Variants in RNF180 observed in about 807,000 individuals in gnomAD.
The protein encoded by RNF180 is E3 ubiquitin-protein ligase RNF180.
Under a neutral mutation model 59.2 loss-of-function variants are expected in RNF180, and 38 were observed. The ratio of observed to expected loss-of-function variants is 0.64; its 90% CI spans 0.50 to 0.84. The LOEUF (loss-of-function observed/expected upper bound fraction) is 0.84. Ranked by LOEUF, RNF180 falls within the 40% of genes least tolerant of loss-of-function variation. The pLI is 0.00. For synonymous variants in RNF180, 262 were observed against 240.3 expected, an observed-to-expected ratio of 1.09 and a Z score of -0.84; for missense variants, 705 against 700.9, an observed-to-expected ratio of 1.01 and a Z score of -0.07.
intron 5 of RNF180, among the ~76,000 whole-genome samples, chr5:64,223,752 C>G (rs953406827): frequency 2.6e-5 from 4 of 152,024 alleles, no homozygotes; most frequent in African/African-American, 9.7e-5. Context: ...TCCTTTCCTT[C>G]ATGTAACTAA....
At chr5:64,208,110 TTC>T (rs1282726082) in intron 2 of RNF180, among the ~76,000 whole-genome samples, 2 of 152,106 alleles carry the variant, frequency 1.3e-5, no homozygotes, top group African/African-American at 4.8e-5. Flanking sequence ...AGTGATATTT[TTC>T]TGTTATAGAA....
intron 5 of RNF180, among the ~76,000 whole-genome samples, chr5:64,299,222 C>T (rs1310128748): frequency 6.6e-6 from 1 of 151,902 alleles, no homozygotes; most frequent in East Asian, 1.9e-4. Flanking sequence ...GGATCCAGAA[C>T]TTTGAGATAT....
At chr5:64,212,200 C>A in intron 3 of RNF180, 40 bp downstream of exon 3, 1 of 1,179,746 alleles carries the variant, frequency 8.5e-7, no homozygotes, top group Non-Finnish European at 1.3e-6. Flanking sequence ...GAATATACAA[C>A]CTTCAGAATG....
intron 1 of RNF180, among the ~76,000 whole-genome samples, chr5:64,175,960 C>G (rs1360582076): frequency 6.6e-6 from 1 of 152,132 alleles, no homozygotes; most frequent in African/African-American, 2.4e-5. Context: ...TTGTATCTTA[C>G]AACTTTACTG....
At chr5:64,221,480 T>G (rs1741331369) in intron 5 of RNF180, among the ~76,000 whole-genome samples, 1 of 152,146 alleles carries the variant, frequency 6.6e-6, no homozygotes, top group East Asian at 1.9e-4. Flanking sequence ...AGTTTGTTAC[T>G]CTGTTTTATG....
Position 64,337,751 on chromosome 5 carries a change from G to C in RNF180, c.1579+7345G>C, listed in dbSNP as rs559971953. ...AATTCCCACCTATGAGTGAGAACAT[G>C]CGGTGTTTGGTTTTTTGTCCTTGCG... On this transcript the variant is annotated intron_variant, in intron 7 of 7. Transcript: ENST00000389100. 3.4e-5 allele frequency among the ~76,000 whole-genome samples: 5 copies of C among 146,398 alleles called. No individual in the cohort carries two copies. The South Asian group carries it at 1.1e-3, about 31-fold the overall frequency.
At chr5:64,301,017 C>A (rs1743133594) in intron 5 of RNF180, among the ~76,000 whole-genome samples, 1 of 151,660 alleles carries the variant, frequency 6.6e-6, no homozygotes, top group Non-Finnish European at 1.5e-5. Flanking sequence ...CAGATATTTC[C>A]AGAAAGCTAA....
intron 5 of RNF180, among the ~76,000 whole-genome samples, chr5:64,260,361 T>C (rs2112314637): frequency 6.6e-6 from 1 of 152,308 alleles, no homozygotes; most frequent in South Asian, 2.1e-4. Context: ...CTTCCAGTTT[T>C]TTATTGTAAC....
intron 5 of RNF180, among the ~76,000 whole-genome samples, chr5:64,312,297 C>G (rs896014331): frequency 6.6e-6 from 1 of 152,060 alleles, no homozygotes; most frequent in Non-Finnish European, 1.5e-5. Context: ...AGATGCCTTT[C>G]TGGACTGGAG....
At chr5:64,337,908 T>G (rs1054357466) in intron 7 of RNF180, among the ~76,000 whole-genome samples, 1 of 152,164 alleles carries the variant, frequency 6.6e-6, no homozygotes, top group African/African-American at 2.4e-5. Flanking sequence ...TCTATCATTG[T>G]TGGACATTTG....
At chr5:64,214,695 C>T (rs771573848) in intron 4 of RNF180, among the ~76,000 whole-genome samples, 178 bp downstream of exon 4, 10 of 152,094 alleles carry the variant, frequency 6.6e-5, no homozygotes, top group Admixed American at 2.6e-4. Context: ...GCATGTATAA[C>T]CCAGTCTCTA....
chr5:64,338,410 G>A (rs1048789402), intron 7 of RNF180, among the ~76,000 whole-genome samples: 1 of 152,086 alleles, frequency 6.6e-6, no homozygotes, highest in Non-Finnish European at 1.5e-5. Flanking sequence ...CGAGGCAGGC[G>A]GATCACGAGG....
At chr5:64,262,436 C>A (rs925196433) in intron 5 of RNF180, among the ~76,000 whole-genome samples, 2 of 152,080 alleles carry the variant, frequency 1.3e-5, no homozygotes, top group Admixed American at 1.3e-4. Flanking sequence ...AATCGGACAG[C>A]CTTAGCACCA....
At position 64,337,007 on chromosome 5, in the gene RNF180, T is replaced by G. The variant is rs971127564; in HGVS notation, c.1579+6601T>G. Among the ~76,000 whole-genome samples, 302 of 151,358 alleles carry G rather than the reference T, an allele frequency of 2.0e-3. 1 individual carries two copies. Among genetic ancestry groups the G allele is most frequent in the African/African-American group, 6.8e-3 (281 of 41,358 alleles). ...TTGATTTTCTTTTTTTGTTGTTGTTTTTTTTTTGTTTTTGTTTTTGTTTTT... is the reference window on the plus strand; with the variant it reads ...TTGATTTTCTTTTTTTGTTGTTGTTGTTTTTTTGTTTTTGTTTTTGTTTTT... On this transcript the variant is annotated intron_variant, in intron 7 of 7. Transcript: ENST00000389100.
chr5:64,258,369 A>G (rs1580128152), intron 5 of RNF180, among the ~76,000 whole-genome samples: 1 of 152,204 alleles, frequency 6.6e-6, no homozygotes, highest in South Asian at 2.1e-4. Flanking sequence ...AGGGAGGTGG[A>G]TAAGGTCAGA....
chr5:64,311,434 C>T (rs974199758), intron 5 of RNF180, among the ~76,000 whole-genome samples: 3 of 151,754 alleles, frequency 2.0e-5, no homozygotes, highest in Non-Finnish European at 2.9e-5. Flanking sequence ...GGTTTCCTGC[C>T]TCCAGGTAGG....
At chr5:64,294,817 T>A (rs1742804006) in intron 5 of RNF180, among the ~76,000 whole-genome samples, 1 of 152,196 alleles carries the variant, frequency 6.6e-6, no homozygotes, top group Non-Finnish European at 1.5e-5. Context: ...ATGAAATCCA[T>A]AAATCTTAGA....
At chr5:64,339,633 G>GA (rs1561270809) in intron 7 of RNF180, among the ~76,000 whole-genome samples, 1 of 151,580 alleles carries the variant, frequency 6.6e-6, no homozygotes, top group East Asian at 1.9e-4. Flanking sequence ...TGGAAAGGGG[G>GA]ATCTTATGGG....
rs865868825 is a variant in RNF180 at position 64,214,407 on chromosome 5, G to A, written c.1081G>A (p.Ala361Thr). The A allele has an allele frequency of 6.2e-7, 1 of 1,614,030 alleles. No individual in the cohort carries two copies. Among genetic ancestry groups the A allele is most frequent in the Non-Finnish European group, 8.5e-7 (1 of 1,180,002 alleles). Reference protein sequence around the residue: ...HLSPLDFLHSANFSLGSINQR... With the variant: ...HLSPLDFLHSTNFSLGSINQR... ...CTCCCCTCTGGACTTCCTGCACTCAGCCAATTTTTCATTGGGCAGCATTAA... is the reference window on the plus strand; with the variant it reads ...CTCCCCTCTGGACTTCCTGCACTCAACCAATTTTTCATTGGGCAGCATTAA... Residue 361 changes from alanine (A) to threonine (T), a missense_variant, in exon 4 of 8, where the codon GCC (alanine) becomes ACC (threonine). Ala to Thr is a moderately conservative substitution (Grantham distance 58). Coordinates refer to ENST00000389100, the MANE Select transcript of RNF180 (RefSeq NM_001113561.2).
Sources: gnomAD v4.1 joint callset for allele counts (sites outside exome capture counted in the v4.1 genomes callset) on GRCh38, gnomAD v4.1.1 for gene constraint, MANE v1.5 for transcripts, NCBI Gene and HGNC (gene_info 2026-07-23, HGNC 2026-07-21) for gene names.